Variants in CORO7 observed in about 807,000 individuals in gnomAD.
The protein encoded by CORO7 is coronin 7, also known as coronin-7.
Under a neutral mutation model 126.6 loss-of-function variants are expected in CORO7, and 107 were observed. The observed-to-expected ratio is 0.85, with a 90% CI of 0.72 to 0.99. The LOEUF (loss-of-function observed/expected upper bound fraction) is 0.99. Among genes scored for constraint, CORO7 ranks in the 50% least tolerant of loss-of-function variants. CORO7 has a pLI of 0.00. For missense variants in CORO7, 1,314 were observed against 1,255.8 expected (o/e 1.05, Z -0.70); for synonymous variants, 603 against 536.8 (o/e 1.12, Z -1.70).
At position 4,362,771 on chromosome 16, in the gene CORO7, C is replaced by T. The variant is rs1019453116; in HGVS notation, c.1276-33G>A. 3.0e-6 allele frequency: 4 copies of T among 1,327,676 alleles called. No homozygotes were observed. Among genetic ancestry groups the T allele is most frequent in the Admixed American group, 3.7e-5 (1 of 27,002 alleles). The allele number at this position is 1,327,676 out of a possible 1,614,324, so 82.2% of individuals were successfully genotyped here. A position where few individuals can be genotyped will look rare whatever the true frequency, so the allele number is the denominator to read the frequency against. On this transcript the variant is annotated intron_variant, in intron 14 of 27. Coordinates refer to ENST00000251166, the MANE Select transcript of CORO7 (RefSeq NM_024535.5). This position sits in a 1 kb window ranked among gnomAD's most constrained non-coding sequence, Gnocchi z 5.3. The stretch of plus-strand genomic sequence containing the variant: ...GGGGCATGGGGTCAGCCAGCCTGCT[C>T]CTAGGTGTACTGGCCAAAAGGAGGG...
intron 9 of CORO7, among the ~76,000 whole-genome samples, chr16:4,386,251 G>C (rs2055190330): frequency 6.6e-6 from 1 of 152,208 alleles, no homozygotes; most frequent in South Asian, 2.1e-4. Flanking sequence ...TCTTAACTGT[G>C]GTAATTACAG....
intron 9 of CORO7, among the ~76,000 whole-genome samples, chr16:4,369,258 C>A (rs1379333360): frequency 1.3e-5 from 2 of 152,280 alleles, no homozygotes; most frequent in African/African-American, 2.4e-5. Flanking sequence ...GAAATGGGGT[C>A]ATGGCACCCA....
intron 9 of CORO7, chr16:4,382,484 T>C (rs1483169915): frequency 1.1e-5 from 17 of 1,602,978 alleles, no homozygotes; most frequent in Non-Finnish European, 1.4e-5. Flanking sequence ...GTCTGTGTCA[T>C]GCCTTTGGGG....
intron 27 of CORO7, 34 bp downstream of exon 27, chr16:4,355,252 T>C: frequency 6.2e-7 from 1 of 1,611,760 alleles, no homozygotes. Context: ...GGGACCGCGC[T>C]GCCTGCCGGG....
chr16:4,382,569 C>G, intron 9 of CORO7: 1 of 1,593,654 alleles, frequency 6.3e-7, no homozygotes. Context: ...CCAACCACGC[C>G]CCAGTCACCC....
intron 7 of CORO7, among the ~76,000 whole-genome samples, chr16:4,390,562 C>A (rs2055351982): frequency 1.3e-5 from 2 of 152,182 alleles, no homozygotes; most frequent in South Asian, 2.1e-4. Context: ...CAGAGAGACC[C>A]GCTCAGCCAG....
At chr16:4,365,745 C>A (rs2054328421) in intron 9 of CORO7, among the ~76,000 whole-genome samples, 200 bp from the exon 10 acceptor site, 1 of 152,200 alleles carries the variant, frequency 6.6e-6, no homozygotes, top group African/African-American at 2.4e-5. Flanking sequence ...CCCAGCTGCT[C>A]CTCCCCAGGG....
chr16:4,356,938 A>T, intron 26 of CORO7: 1 of 595,304 alleles, frequency 1.7e-6, no homozygotes, highest in Non-Finnish European at 2.9e-6. Flanking sequence ...CTGCCGGCTT[A>T]GGCTGGGTTT....
chr16:4,372,383 T>A (rs1302148341), intron 9 of CORO7, among the ~76,000 whole-genome samples: 1 of 152,106 alleles, frequency 6.6e-6, no homozygotes, highest in African/African-American at 2.4e-5. Context: ...CCTCCTGGGG[T>A]CCGGCAGTAG....
chr16:4,381,063 C>T lies in CORO7; in HGVS notation c.785+6923G>A, dbSNP rs370504239. On this transcript the variant is annotated intron_variant, in intron 9 of 27. Transcript: ENST00000251166. The stretch of plus-strand genomic sequence containing the variant: ...CGGTGGGGCTGTACGTCTTTGAGAA[C>T]GGCATCACCATGCTCGACGCAGGCA... 3.4e-5 allele frequency: 55 copies of T among 1,610,326 alleles called. 1 individual carries two copies. In the African/African-American group the frequency reaches 3.7e-4, roughly 11 times the overall value.
chr16:4,357,371 T>G, intron 25 of CORO7, 112 bp from the exon 26 acceptor site: 1 of 1,200,278 alleles, frequency 8.3e-7, no homozygotes, highest in Non-Finnish European at 1.1e-6. Context: ...TTTTTTTTTT[T>G]TTTGAGATGG....
At chr16:4,396,651 A>G (rs1300175898) in intron 6 of CORO7, among the ~76,000 whole-genome samples, 2 of 152,164 alleles carry the variant, frequency 1.3e-5, no homozygotes, top group East Asian at 3.8e-4. Flanking sequence ...GCACAGGTCT[A>G]TTTTGTTTCA....
chr16:4,378,936 C>G (rs2054853202), intron 9 of CORO7, among the ~76,000 whole-genome samples: 1 of 152,066 alleles, frequency 6.6e-6, no homozygotes, highest in South Asian at 2.1e-4. Flanking sequence ...TGCGATACTA[C>G]ACGTGGGCAG....
chr16:4,378,701 C>T (rs1317162506), intron 9 of CORO7, among the ~76,000 whole-genome samples: 1 of 152,072 alleles, frequency 6.6e-6, no homozygotes, highest in African/African-American at 2.4e-5. Context: ...CAGTGCCAGG[C>T]CCTCCTGGGC....
At chr16:4,361,289 G>C (rs369334343) in intron 17 of CORO7, 41 bp from the exon 18 acceptor site, 15 of 1,611,250 alleles carry the variant, frequency 9.3e-6, no homozygotes, top group Non-Finnish European at 1.2e-5. Flanking sequence ...CTGAGCCCAA[G>C]ACCTCTGGGC....
chr16:4,405,611 C>G (rs1490582424), intron 5 of CORO7, 44 bp from the exon 6 acceptor site: 1 of 1,599,302 alleles, frequency 6.3e-7, no homozygotes. Flanking sequence ...AGTGAGGGCA[C>G]CAGGGAAGTG....
At chr16:4,388,340 C>G (rs1045091023) in intron 8 of CORO7, among the ~76,000 whole-genome samples, 1 of 152,188 alleles carries the variant, frequency 6.6e-6, no homozygotes, top group African/African-American at 2.4e-5. Context: ...TGGGGTCAGG[C>G]TGAGCTATTA....
intron 16 of CORO7, 80 bp from the exon 17 acceptor site, chr16:4,361,549 T>C (rs2054180851): frequency 6.7e-7 from 1 of 1,499,370 alleles, no homozygotes; most frequent in South Asian, 1.2e-5. Flanking sequence ...GCAAGCAGCA[T>C]GTCTGGGAGC....
intron 10 of CORO7, 127 bp from the exon 11 acceptor site, chr16:4,365,187 C>A (rs964605665): frequency 7.0e-7 from 1 of 1,423,316 alleles, no homozygotes; most frequent in East Asian, 2.5e-5. Flanking sequence ...GGAGATGGGG[C>A]TCCCCAACAT....
Sources: gnomAD v4.1 joint callset for allele counts (sites outside exome capture counted in the v4.1 genomes callset) on GRCh38, gnomAD v4.1.1 for gene constraint, Gnocchi (gnomAD v3.1) non-coding constraint, MANE v1.5 for transcripts, NCBI Gene and HGNC (gene_info 2026-07-23, HGNC 2026-07-21) for gene names.